TEX9: variants seen among roughly 807,000 people sequenced by gnomAD.
The protein encoded by TEX9 is testis expressed 9.
Under a neutral mutation model 59.6 loss-of-function variants are expected in TEX9, and 74 were observed. The observed-to-expected ratio is 1.24, with a 90% CI of 1.03 to 1.51. The LOEUF (loss-of-function observed/expected upper bound fraction) is 1.51. Ranked by LOEUF, TEX9 falls within the 40% of genes most tolerant of loss-of-function variation. The probability of loss-of-function intolerance (pLI) is 0.00; values close to 1 mark genes in which losing one functional copy is unlikely to be tolerated. For synonymous variants in TEX9, 186 were observed against 152.2 expected (o/e 1.22, Z -1.64); for missense variants, 522 against 447.8 (o/e 1.17, Z -1.49).
At chr15:56,434,500 C>A (rs2140330756) in intron 12 of TEX9, 1 of 1,210,096 alleles carries the variant, frequency 8.3e-7, no homozygotes, top group Non-Finnish European at 1.1e-6. Flanking sequence ...AATATGAAAT[C>A]ATACAAACTG....
intron 10 of TEX9, among the ~76,000 whole-genome samples, chr15:56,418,120 CTTT>C (rs1567136703): frequency 2.6e-5 from 4 of 151,808 alleles, no homozygotes; most frequent in African/African-American, 9.7e-5. Context: ...TTGAGTCTTG[CTTT>C]TTTATCCAGC....
At chr15:56,424,307 C>T (rs186276708) in intron 10 of TEX9, among the ~76,000 whole-genome samples, 2 of 152,228 alleles carry the variant, frequency 1.3e-5, no homozygotes, top group East Asian at 3.9e-4. Context: ...TGTAGTCACT[C>T]CTGTGTTCTT....
Position 56,372,319 on chromosome 15 carries a change from C to T in TEX9, c.120-1122C>T, listed in dbSNP as rs112812141. Among the ~76,000 whole-genome samples, 607 of 152,226 alleles carry T rather than the reference C, an allele frequency of 4.0e-3. 3 individuals carry two copies. The highest frequency in any genetic ancestry group is 6.0e-3 in the Non-Finnish European group (408 of 67,988). ...AAAGGATATGGTACTAATCTCCCCCCCTTTTTTTTTCCCTGGGGGTGGAGA... is the reference window on the plus strand; with the variant it reads ...AAAGGATATGGTACTAATCTCCCCCTCTTTTTTTTTCCCTGGGGGTGGAGA... On this transcript the variant is annotated intron_variant, in intron 2 of 12. Coordinates refer to ENST00000352903, the Ensembl canonical transcript of TEX9.
At chr15:56,248,625 T>C (rs1567061406) in intron 1 of TEX9, among the ~76,000 whole-genome samples, 1 of 152,222 alleles carries the variant, frequency 6.6e-6, no homozygotes, top group African/African-American at 2.4e-5. Flanking sequence ...TGTTGTAACT[T>C]TCAATTCTTT....
At chr15:56,258,705 A>T (rs1482790910) in intron 1 of TEX9, among the ~76,000 whole-genome samples, 1 of 151,720 alleles carries the variant, frequency 6.6e-6, no homozygotes, top group Non-Finnish European at 1.5e-5. Flanking sequence ...GTTTATTCTT[A>T]TTTAGATTTC....
intron 1 of TEX9, among the ~76,000 whole-genome samples, chr15:56,294,054 T>C (rs1199131163): frequency 6.6e-6 from 1 of 152,228 alleles, no homozygotes; most frequent in African/African-American, 2.4e-5. Flanking sequence ...CTTCTGACTG[T>C]ACAGTTGGAT....
At chr15:56,418,786 A>T (rs2049826868) in intron 10 of TEX9, among the ~76,000 whole-genome samples, 1 of 152,010 alleles carries the variant, frequency 6.6e-6, no homozygotes, top group South Asian at 2.1e-4. Flanking sequence ...ATCAAAGCTA[A>T]GGTGCAACTG....
intron 9 of TEX9, among the ~76,000 whole-genome samples, chr15:56,405,963 C>A (rs1224581556): frequency 2.0e-5 from 3 of 152,058 alleles, no homozygotes; most frequent in African/African-American, 7.2e-5. Flanking sequence ...TGAAGAATAA[C>A]AAATACAATA....
intron 9 of TEX9, among the ~76,000 whole-genome samples, chr15:56,409,275 G>C (rs1447662118): frequency 6.6e-6 from 1 of 151,788 alleles, no homozygotes; most frequent in South Asian, 2.1e-4. Flanking sequence ...AAGGCTTCCC[G>C]TGTCACTCAG....
chr15:56,287,266 T>A (rs2141483979), intron 1 of TEX9, among the ~76,000 whole-genome samples: 1 of 152,266 alleles, frequency 6.6e-6, no homozygotes, highest in Admixed American at 6.5e-5. Context: ...TTCCCCACTT[T>A]TTATGGGATC....
chr15:56,338,345 C>A (rs551386163), intron 1 of TEX9, among the ~76,000 whole-genome samples: 1 of 152,302 alleles, frequency 6.6e-6, no homozygotes, highest in East Asian at 1.9e-4. Flanking sequence ...GGGTAATTCC[C>A]CATCCTCACA....
intron 1 of TEX9, among the ~76,000 whole-genome samples, chr15:56,303,285 C>T (rs1359599664): frequency 6.6e-6 from 1 of 152,128 alleles, no homozygotes; most frequent in Non-Finnish European, 1.5e-5. Context: ...GGATCATTCT[C>T]AAGGATAGAC....
intron 1 of TEX9, among the ~76,000 whole-genome samples, chr15:56,266,330 T>TC (rs1212823099): frequency 6.6e-6 from 1 of 151,408 alleles, no homozygotes; most frequent in East Asian, 1.9e-4. Context: ...TTCTTTTCTT[T>TC]TTTTTTTTTT....
At chr15:56,340,503 A>G (rs1017795078) in intron 1 of TEX9, among the ~76,000 whole-genome samples, 2 of 152,144 alleles carry the variant, frequency 1.3e-5, no homozygotes, top group African/African-American at 4.8e-5. Flanking sequence ...AAAATAAGCC[A>G]TTGCTTTTTT....
intron 9 of TEX9, chr15:56,410,272 G>A (rs1334618238): frequency 6.6e-6 from 1 of 151,878 alleles, no homozygotes; most frequent in African/African-American, 2.4e-5. Flanking sequence ...CTGAATTTCT[G>A]TGGTGCTTCG....
chr15:56,438,575 T>C (rs1266414097), intron 12 of TEX9, among the ~76,000 whole-genome samples: 2 of 152,086 alleles, frequency 1.3e-5, no homozygotes, highest in East Asian at 1.9e-4. Flanking sequence ...ATTCAGGACA[T>C]AGGCATGGGC....
chr15:56,450,528 C>T (rs928858418), downstream of TEX9, among the ~76,000 whole-genome samples: 4 of 152,124 alleles, frequency 2.6e-5, no homozygotes, highest in East Asian at 1.9e-4. Flanking sequence ...TTTTGTGTCT[C>T]GCTTACTTAA....
rs1427418453 is a variant in TEX9, at chr15:56,416,922, G to C, written c.963+4486G>C. Among the ~76,000 whole-genome samples, 3 of 151,608 alleles carry C rather than the reference G, an allele frequency of 2.0e-5. 1 individual carries two copies. The highest frequency in any genetic ancestry group is 2.0e-4 in the Admixed American group (3 of 15,222). ...CTGTGTAGGGATTCAGTTTCTTCCT[G>C]GTTCAGTCCTGGGAGGGTGTACATG... On this transcript the variant is annotated intron_variant, in intron 10 of 12. Transcript: ENST00000352903.
At chr15:56,365,277 C>T (rs2046880045), upstream of TEX9, 2 of 806,708 alleles carry the variant, frequency 2.5e-6, no homozygotes, top group Non-Finnish European at 3.8e-6. Flanking sequence ...GTTCCTGGGA[C>T]AGCGCCGAGT....
Sources: allele counts gnomAD v4.1 joint callset (sites outside exome capture counted in the v4.1 genomes callset), GRCh38; gene constraint gnomAD v4.1.1; transcripts MANE v1.5; gene names NCBI Gene and HGNC (gene_info 2026-07-23, HGNC 2026-07-21).